The following CDH2 variants were observed in gnomAD, a reference collection of about 807,000 sequenced individuals.
CDH2 encodes the protein cadherin 2, also known as cadherin-2.
CDH2 carries 17 observed loss-of-function variants against 92.0 expected under a neutral mutation model. That is an observed-to-expected ratio of 0.18 (90% CI 0.13 to 0.28). The LOEUF is 0.28. Ranked by LOEUF, CDH2 falls within the 10% of genes least tolerant of loss-of-function variation. CDH2 has a pLI of 1.00. For missense variants in CDH2, 862 were observed against 1,133.1 expected, an observed-to-expected ratio of 0.76 and a Z score of 3.44; for synonymous variants, 419 against 415.9, an observed-to-expected ratio of 1.01 and a Z score of -0.09.
intron 2 of CDH2, among the ~76,000 whole-genome samples, chr18:28,140,814 T>C (rs1320536074): frequency 1.3e-5 from 2 of 150,292 alleles, no homozygotes; most frequent in South Asian, 2.1e-4. Context: ...TACAAAGAAG[T>C]CTTACGACTC....
chr18:28,090,494 G>A (rs972986484), intron 2 of CDH2, among the ~76,000 whole-genome samples: 2 of 152,124 alleles, frequency 1.3e-5, no homozygotes, highest in Non-Finnish European at 2.9e-5. Context: ...AGAACACTGA[G>A]GACTACAGCT....
intron 14 of CDH2, among the ~76,000 whole-genome samples, chr18:27,978,633 TG>T (rs2011933641): frequency 6.6e-6 from 1 of 151,414 alleles, no homozygotes; most frequent in South Asian, 2.1e-4. Context: ...TTCATTACCT[TG>T]GGGTAGACAT....
chr18:27,985,922 A>G (rs1237750443), intron 11 of CDH2, among the ~76,000 whole-genome samples, 161 bp from the exon 12 acceptor site: 1 of 152,132 alleles, frequency 6.6e-6, no homozygotes, highest in Non-Finnish European at 1.5e-5. Context: ...TTCCAGAACA[A>G]AGCCCCTTCT....
At chr18:28,033,947 T>C (rs2013761773) in intron 2 of CDH2, among the ~76,000 whole-genome samples, 1 of 152,100 alleles carries the variant, frequency 6.6e-6, no homozygotes, top group Non-Finnish European at 1.5e-5. Flanking sequence ...TTACAAGCAA[T>C]CTTCAATAAG....
rs556094422 is a variant in CDH2, at chr18:28,172,973, C to T, written c.60+3990G>A. Among the ~76,000 whole-genome samples, 21 of 151,842 alleles carry T rather than the reference C, an allele frequency of 1.4e-4. 1 individual carries two copies. The South Asian group carries it at 4.4e-3, about 32-fold the overall frequency. On this transcript the variant is annotated intron_variant, in intron 1 of 15. Coordinates refer to ENST00000269141, the MANE Select transcript of CDH2 (RefSeq NM_001792.5). ...GTCTTGACATTTCCCTATTAATAAC[C>T]CTAAAGCTTAATGAGGCACAACAGA...
intron 1 of CDH2, among the ~76,000 whole-genome samples, chr18:28,152,118 T>C (rs2016132631): frequency 6.6e-6 from 1 of 152,138 alleles, no homozygotes; most frequent in Non-Finnish European, 1.5e-5. Flanking sequence ...TGTGTTAAGT[T>C]CCGTATCACA....
intron 2 of CDH2, among the ~76,000 whole-genome samples, chr18:28,109,640 C>A (rs2015379206): frequency 6.6e-6 from 1 of 152,162 alleles, no homozygotes; most frequent in Admixed American, 6.6e-5. Context: ...ATTTCAGTAT[C>A]ATTCAAGACA....
intron 14 of CDH2, among the ~76,000 whole-genome samples, chr18:27,966,220 T>A (rs1157911968): frequency 6.6e-6 from 1 of 152,136 alleles, no homozygotes; most frequent in African/African-American, 2.4e-5. Flanking sequence ...TAAATGTTTT[T>A]ACCCTAAGGG....
At chr18:28,028,133 T>C (rs505314) in intron 2 of CDH2, among the ~76,000 whole-genome samples, 8,084 of 152,104 alleles carry the variant, frequency 0.053, 242 homozygotes, top group African/African-American at 0.072. Flanking sequence ...ATTTTGCTAA[T>C]TGGCATTTTC....
intron 2 of CDH2, among the ~76,000 whole-genome samples, chr18:28,014,857 C>T (rs1329965809): frequency 1.3e-5 from 2 of 151,926 alleles, no homozygotes; most frequent in Non-Finnish European, 2.9e-5. Flanking sequence ...ATAATAAAAA[C>T]AAAAATATTC....
At chr18:27,968,376 A>G (rs2143904732) in intron 14 of CDH2, among the ~76,000 whole-genome samples, 2 of 152,342 alleles carry the variant, frequency 1.3e-5, no homozygotes. Flanking sequence ...AATGCACGAA[A>G]GAGTTTACTG....
At chr18:27,962,772 T>G (rs1567938985) in intron 15 of CDH2, among the ~76,000 whole-genome samples, 1 of 152,218 alleles carries the variant, frequency 6.6e-6, no homozygotes, top group South Asian at 2.1e-4. Context: ...CATAATAATT[T>G]TGACAGTGAA....
At chr18:28,129,672 T>G (rs28365314) in intron 2 of CDH2, among the ~76,000 whole-genome samples, 1 of 152,116 alleles carries the variant, frequency 6.6e-6, no homozygotes, top group East Asian at 1.9e-4. Flanking sequence ...TACAAAAAAT[T>G]AAAAAATTAG....
chr18:28,140,987 C>T (rs1331968892), intron 2 of CDH2, among the ~76,000 whole-genome samples: 1 of 150,572 alleles, frequency 6.6e-6, no homozygotes, highest in Non-Finnish European at 1.5e-5. Flanking sequence ...CATTTCACAC[C>T]TACTAGGATA....
In CDH2 at chr18:28,026,998, T is replaced by C. The variant is rs193286733; in HGVS notation, c.173-13089A>G. On this transcript the variant is annotated intron_variant, in intron 2 of 15. Coordinates refer to ENST00000269141, the MANE Select transcript of CDH2 (RefSeq NM_001792.5). ...TTTAAAAGTTGATGCCCTCCTCCCCTGCAGTGGTCATTCTTTCTGGTAATT... is the reference window on the plus strand; with the variant it reads ...TTTAAAAGTTGATGCCCTCCTCCCCCGCAGTGGTCATTCTTTCTGGTAATT... 1.1e-3 allele frequency among the ~76,000 whole-genome samples: 167 copies of C among 152,238 alleles called. 1 individual carries two copies. Among genetic ancestry groups the C allele is most frequent in the Admixed American group, 9.7e-3 (148 of 15,286 alleles).
chr18:28,070,586 G>A (rs1047465768), intron 2 of CDH2, among the ~76,000 whole-genome samples: 1 of 152,210 alleles, frequency 6.6e-6, no homozygotes, highest in African/African-American at 2.4e-5. Flanking sequence ...CAACTAGCCT[G>A]TCCTCCATTC....
At chr18:27,936,854 A>G (rs976488277) in intron 6 of CDH2, among the ~76,000 whole-genome samples, 1 of 152,048 alleles carries the variant, frequency 6.6e-6, no homozygotes, top group Non-Finnish European at 1.5e-5. Flanking sequence ...TCCCTTTTGA[A>G]TTACTTCAGT....
At chr18:28,172,100 T>C (rs1481093233) in intron 1 of CDH2, among the ~76,000 whole-genome samples, 1 of 151,284 alleles carries the variant, frequency 6.6e-6, no homozygotes, top group East Asian at 1.9e-4. Flanking sequence ...TGTGTGTGTG[T>C]GTGCGTGTGT....
chr18:28,108,419 A>G (rs1166285756), intron 2 of CDH2, among the ~76,000 whole-genome samples: 1 of 152,182 alleles, frequency 6.6e-6, no homozygotes, highest in East Asian at 1.9e-4. Context: ...CTCAAGGAAA[A>G]GATCCATTTG....
Sources: gnomAD v4.1 joint callset for allele counts (sites outside exome capture counted in the v4.1 genomes callset) on GRCh38, gnomAD v4.1.1 for gene constraint, MANE v1.5 for transcripts, NCBI Gene and HGNC (gene_info 2026-07-23, HGNC 2026-07-21) for gene names.